KEAP1: variants seen among roughly 807,000 people sequenced by gnomAD.
KEAP1 encodes kelch like ECH associated protein 1.
KEAP1 carries 26 observed loss-of-function variants against 59.7 expected under a neutral mutation model. That is an observed-to-expected ratio of 0.44 (90% CI 0.32 to 0.60). KEAP1 has a LOEUF of 0.60. Ranked by LOEUF, KEAP1 falls within the 20% of genes least tolerant of loss-of-function variation. The pLI is 0.06. For synonymous variants in KEAP1, 350 were observed against 358.3 expected, an observed-to-expected ratio of 0.98 and a Z score of 0.26; for missense variants, 539 against 871.4, an observed-to-expected ratio of 0.62 and a Z score of 4.80.
chr19:10,490,613 C>T (rs1480825952), intron 3 of KEAP1: 4 of 152,210 alleles, frequency 2.6e-5, no homozygotes, highest in African/African-American at 9.7e-5. Flanking sequence ...CCACACCCAG[C>T]CTGCAGCTAT....
chr19:10,487,971 A>T (rs1383045599), intron 5 of KEAP1, among the ~76,000 whole-genome samples: 1 of 151,776 alleles, frequency 6.6e-6, no homozygotes, highest in African/African-American at 2.4e-5. Flanking sequence ...TCTACTAAAA[A>T]TACAAAATTA....
chr19:10,489,436 T>C (rs1914592914), intron 4 of KEAP1, 68 bp from the exon 5 acceptor site: 2 of 1,492,834 alleles, frequency 1.3e-6, no homozygotes, highest in African/African-American at 1.4e-5. Context: ...CATCACCTCC[T>C]TGAGGGAGAC....
Position 10,486,724 on chromosome 19 carries a change from C to A in KEAP1, c.1803G>T (p.Arg601=), listed in dbSNP as rs1364020210. Residue 601 remains arginine (R), a synonymous_variant, in exon 6 of 6, where the codon CGG becomes CGT. Coordinates refer to ENST00000171111, the MANE Select transcript of KEAP1 (RefSeq NM_203500.2). ...TGGTGACAGCCACGCCCACCCCACT[C>A]CGGCCCGATGTCATTCGGGTCACCT... ...WSEVTRMTSG[R]SGVGVAVTME... The A allele has an allele frequency of 6.2e-7, 1 of 1,614,130 alleles. No individual in the cohort carries two copies. Among genetic ancestry groups the A allele is most frequent in the Non-Finnish European group, 8.5e-7 (1 of 1,180,040 alleles).
At chr19:10,489,043 T>C (rs2144585001) in intron 5 of KEAP1, 149 bp downstream of exon 5, 2 of 662,696 alleles carry the variant, frequency 3.0e-6, no homozygotes, top group South Asian at 4.5e-5. Context: ...TCCAGCGAGC[T>C]GTGATCACAC....
chr19:10,495,533 AC>A (rs766740378), intron 2 of KEAP1, among the ~76,000 whole-genome samples: 3 of 152,068 alleles, frequency 2.0e-5, no homozygotes, highest in Non-Finnish European at 2.9e-5. Flanking sequence ...CCCCGTCTCT[AC>A]TAAAAACAAA....
chr19:10,487,135 G>C (rs908227782), intron 5 of KEAP1, among the ~76,000 whole-genome samples: 7 of 151,874 alleles, frequency 4.6e-5, no homozygotes. Flanking sequence ...CTTGAGTCCA[G>C]GAGTTTGAGA....
rs2144596425 is a variant in KEAP1 at position 10,491,607 on chromosome 19, TG to T, written c.1294del (p.His432ThrfsTer26). 1 of 1,579,926 alleles carries T rather than the reference TG, an allele frequency of 6.3e-7. No homozygotes were observed. On this transcript the variant is annotated frameshift_variant, in exon 3 of 6. Transcript: ENST00000171111. LOFTEE classifies it high-confidence loss of function. This position sits in a 1 kb window ranked among gnomAD's most constrained non-coding sequence, Gnocchi z 5.2. ...DGHIYAVGGS[H>X]GCIHHNSVER... ...CACACTGTTGTGGTGGATGCAGCCG[TG>T]GGAGCCGCCGACGGCATAGATGTGG...
rs1012188040 is a variant in KEAP1 at position 10,499,344 on chromosome 19, C to T, written c.639+51G>A. 18 of 1,461,498 alleles carry T rather than the reference C, an allele frequency of 1.2e-5. No homozygotes were observed. Among genetic ancestry groups the T allele is most frequent in the Non-Finnish European group, 1.7e-5 (18 of 1,085,766 alleles). 90.5% of individuals were successfully genotyped at this position (1,461,498 alleles called of 1,614,324 possible). ...GGGGAGACAGTGATGAGCACTCGTC[C>T]ATCCCTGGTCCTTCTCCTGACACTG... On this transcript the variant is annotated intron_variant, in intron 2 of 5. Coordinates refer to ENST00000171111, the MANE Select transcript of KEAP1 (RefSeq NM_203500.2). The surrounding 1 kb of genome is among the most constrained non-coding windows in gnomAD (Gnocchi z 6.7).
In KEAP1 at chr19:10,492,211, G is replaced by A. The variant is rs2144604787; in HGVS notation, c.691C>T (p.Leu231Phe). The change falls in exon 3 of 6, where the codon CTC becomes TTC. Residue 231 changes from leucine to phenylalanine, a missense_variant. Physicochemically the swap from Leu to Phe is conservative, Grantham distance 22 (BLOSUM62 0). Around this residue, in one of 4 missense-constraint regions of KEAP1, gnomAD observed 61 missense variants for 129.9 expected, o/e 0.47. Transcript: ENST00000171111. ...ACGTTCAGGTCGTCCCGGCTGATGA[G>A]GGTCACCAGTTGGCAGTGGGACAGG... Reference protein sequence around the residue: ...FNLSHCQLVTLISRDDLNVRC... With the variant: ...FNLSHCQLVTFISRDDLNVRC... 6.2e-7 allele frequency: 1 copy of A among 1,614,002 alleles called. No homozygotes were observed. The highest frequency in any genetic ancestry group is 8.5e-7 in the Non-Finnish European group (1 of 1,180,004).
rs2144587666 is a variant in KEAP1 at position 10,489,353 on chromosome 19, T to C, written c.1547A>G (p.His516Arg). The C allele has an allele frequency of 1.2e-6, 2 of 1,613,602 alleles. No individual in the cohort carries two copies. The highest frequency in any genetic ancestry group is 1.7e-6 in the Non-Finnish European group (2 of 1,179,664). ...GCCCCCAGCAGCATAGATACAGTTG[T>C]GCAGGACGCAGACGCCTAAAGGGCA... The part of the protein sequence containing the change: ...IRSGAGVCVL[H>R]NCIYAAGGYD... The change falls in exon 5 of 6, where the codon CAC becomes CGC. Residue 516 changes from histidine to arginine, a missense_variant. Physicochemically the swap from His to Arg is conservative, Grantham distance 29 (BLOSUM62 0). Around this residue, in one of 4 missense-constraint regions of KEAP1, gnomAD observed 311 missense variants for 425.2 expected, o/e 0.73. Transcript: ENST00000171111.
rs1260219898 is a variant in KEAP1, at chr19:10,486,780, A to C, written c.1747T>G (p.Cys583Gly). The change falls in exon 6 of 6, where the codon TGT (cysteine) becomes GGT (glycine). Residue 583 changes from cysteine (C) to glycine (G), a missense_variant. This residue lies in a region of KEAP1 where 311 missense variants were observed against 425.2 expected (regional missense o/e 0.73). Coordinates refer to ENST00000171111, the MANE Select transcript of KEAP1 (RefSeq NM_203500.2). ...DGHTFLDSVECYDPDTDTWSE... is the reference protein window; with the variant it reads ...DGHTFLDSVEGYDPDTDTWSE... Reference sequence around the variant, plus strand: ...CAGGTGTCTGTATCTGGGTCGTAACACTCCACACTGTCCAGGAACGTGTGA... The same window carrying C: ...CAGGTGTCTGTATCTGGGTCGTAACCCTCCACACTGTCCAGGAACGTGTGA... 6.2e-7 allele frequency: 1 copy of C among 1,613,666 alleles called. No individual in the cohort carries two copies. The highest frequency in any genetic ancestry group is 8.5e-7 in the Non-Finnish European group (1 of 1,179,918).
Position 10,499,467 on chromosome 19 carries a change from G to A in KEAP1, c.567C>T (p.Asn189=), listed in dbSNP as rs2144624878. The A allele has an allele frequency of 1.9e-6, 3 of 1,614,162 alleles. No homozygotes were observed. Among genetic ancestry groups the A allele is most frequent in the Non-Finnish European group, 2.5e-6 (3 of 1,180,036 alleles). The change falls in exon 2 of 6, where the codon AAC becomes AAT. Residue 189 remains asparagine, a synonymous_variant. Coordinates refer to ENST00000171111, the MANE Select transcript of KEAP1 (RefSeq NM_203500.2). This position sits in a 1 kb window ranked among gnomAD's most constrained non-coding sequence, Gnocchi z 6.7. ...CCACACAGCCAATCTGCTCAGCGAA[G>A]TTGGCGATGCCGATGGCATTGCTGG... ...LDPSNAIGIA[N]FAEQIGCVEL... is the part of the protein sequence containing the mutation.
At chr19:10,487,025 T>TA (rs2144579938) in intron 5 of KEAP1, among the ~76,000 whole-genome samples, 1 of 133,844 alleles carries the variant, frequency 7.5e-6, no homozygotes, top group South Asian at 2.4e-4. Flanking sequence ...AGCAAAACCT[T>TA]AGTCTCTTAC....
Position 10,486,542 on chromosome 19 carries a change from C to G in KEAP1, c.*110G>C, listed in dbSNP as rs1412794314. 8.8e-7 allele frequency: 1 copy of G among 1,138,306 alleles called. No individual in the cohort carries two copies. The highest frequency in any genetic ancestry group is 1.3e-6 in the Non-Finnish European group (1 of 785,984). The allele number at this position is 1,138,306 out of a possible 1,614,324, so 70.5% of individuals were successfully genotyped here. On this transcript the variant is annotated 3_prime_UTR_variant, in exon 6 of 6. Transcript: ENST00000171111. ...CACTGAGGCATCCTGGCCTCCCTTC[C>G]CGGAAGATGGGTTATTTGCAGTGCT...
chr19:10,499,301 C>T lies in KEAP1; in HGVS notation c.639+94G>A, dbSNP rs1914956693. 2 of 1,191,830 alleles carry T rather than the reference C, an allele frequency of 1.7e-6. No individual in the cohort carries two copies. The highest frequency in any genetic ancestry group is 3.0e-5 in the African/African-American group (2 of 66,052). 73.8% of individuals were successfully genotyped at this position (1,191,830 alleles called of 1,614,324 possible). A position where few individuals can be genotyped will look rare whatever the true frequency, so the allele number is the denominator to read the frequency against. ...CCAGAACCTCCTTTTTCTCCAGTTT[C>T]CTGCCTTGACATCTCAAGGGGAGAC... On this transcript the variant is annotated intron_variant, in intron 2 of 5. Transcript: ENST00000171111. The surrounding 1 kb of genome is among the most constrained non-coding windows in gnomAD (Gnocchi z 6.7).
rs578076547 is a variant in KEAP1, at chr19:10,486,886, G to A, written c.1709-68C>T. 31 of 1,521,392 alleles carry A rather than the reference G, an allele frequency of 2.0e-5. No individual in the cohort carries two copies. In the African/African-American group the frequency reaches 3.7e-4, roughly 18 times the overall value. 94.2% of individuals were successfully genotyped at this position (1,521,392 alleles called of 1,614,324 possible). On this transcript the variant is annotated intron_variant, in intron 5 of 5. Coordinates refer to ENST00000171111, the MANE Select transcript of KEAP1 (RefSeq NM_203500.2). ...CATCCAAGAGCAGGGGACAGAAAGA[G>A]AGAGATGCAGCTGTGAGATGCAAAA...
intron 5 of KEAP1, among the ~76,000 whole-genome samples, chr19:10,487,425 G>A (rs1914502633): frequency 6.6e-6 from 1 of 152,190 alleles, no homozygotes; most frequent in African/African-American, 2.4e-5. Context: ...GGGAGGCCGA[G>A]GCGGGCAGAT....
intron 1 of KEAP1, among the ~76,000 whole-genome samples, chr19:10,500,477 A>C (rs2144633269): frequency 6.6e-6 from 1 of 152,222 alleles, no homozygotes; most frequent in Non-Finnish European, 1.5e-5. Context: ...CTCACCATTT[A>C]CTGGGCACCT....
intron 1 of KEAP1, among the ~76,000 whole-genome samples, chr19:10,501,471 TA>T (rs1915042079): frequency 6.6e-6 from 1 of 150,748 alleles, no homozygotes; most frequent in Non-Finnish European, 1.5e-5. Context: ...CTACTAAAAA[TA>T]CAAAAAAATT....
Sources: gnomAD v4.1 joint callset for allele counts (sites outside exome capture counted in the v4.1 genomes callset) on GRCh38, gnomAD v4.1.1 for gene constraint, gnomAD v4.1.1 regional missense constraint, Gnocchi (gnomAD v3.1) non-coding constraint, MANE v1.5 for transcripts, NCBI Gene and HGNC (gene_info 2026-07-23, HGNC 2026-07-21) for gene names.